USP13: variants seen among roughly 807,000 people sequenced by gnomAD.
USP13 encodes ubiquitin specific peptidase 13, also known as ubiquitin carboxyl-terminal hydrolase 13.
A neutral mutation model predicts 107.8 loss-of-function variants in USP13; 68 were observed. The observed-to-expected ratio is 0.63, with a 90% CI of 0.52 to 0.77. USP13 has a LOEUF of 0.77. Ranked by LOEUF, USP13 falls within the 30% of genes least tolerant of loss-of-function variation. The pLI is 0.00. For missense variants in USP13, 945 were observed against 1,093.3 expected (o/e 0.86, Z 1.91); for synonymous variants, 377 against 389.5 (o/e 0.97, Z 0.38).
chr3:179,686,421 A>C (rs914274672), intron 2 of USP13, among the ~76,000 whole-genome samples: 28 of 152,300 alleles, frequency 1.8e-4, no homozygotes, highest in African/African-American at 6.7e-4. Flanking sequence ...GTCTTGACAA[A>C]AAATAAAATA....
intron 4 of USP13, among the ~76,000 whole-genome samples, chr3:179,702,048 C>T (rs1435551957): frequency 6.6e-6 from 1 of 151,996 alleles, no homozygotes; most frequent in African/African-American, 2.4e-5. Context: ...GAGACGGAGT[C>T]TCGCTCTGTT....
intron 1 of USP13, among the ~76,000 whole-genome samples, chr3:179,679,859 G>T (rs1236719198): frequency 6.9e-6 from 1 of 144,118 alleles, no homozygotes; most frequent in African/African-American, 2.6e-5. Flanking sequence ...GCAACTTGCA[G>T]TGGTTAGCAT....
At chr3:179,666,415 T>C (rs1560041186) in intron 1 of USP13, among the ~76,000 whole-genome samples, 1 of 152,242 alleles carries the variant, frequency 6.6e-6, no homozygotes, top group Non-Finnish European at 1.5e-5. Flanking sequence ...ATTCTCTTTC[T>C]AGGTCCCCAG....
At chr3:179,668,711 T>G (rs1343546500) in intron 1 of USP13, among the ~76,000 whole-genome samples, 4 of 152,172 alleles carry the variant, frequency 2.6e-5, no homozygotes, top group African/African-American at 9.7e-5. Context: ...CATGAGCCAC[T>G]GCGCCCAGTC....
chr3:179,774,454 G>A (rs904662028), intron 19 of USP13, among the ~76,000 whole-genome samples: 1 of 152,136 alleles, frequency 6.6e-6, no homozygotes, highest in African/African-American at 2.4e-5. Context: ...TGGTCTCGCT[G>A]GCTTCAGGAG....
rs568118258 is a variant in USP13, at chr3:179,759,228, G to A, written c.1949-1884G>A. 2.0e-5 allele frequency among the ~76,000 whole-genome samples: 3 copies of A among 152,140 alleles called. No homozygotes were observed. In the South Asian group the frequency reaches 6.2e-4, roughly 32 times the overall value. On this transcript the variant is annotated intron_variant, in intron 16 of 20. Coordinates refer to ENST00000263966, the MANE Select transcript of USP13 (RefSeq NM_003940.3). ...GAACTCCTGACCTCGTCATCTGCCC[G>A]CCTTGGCCTCCCAAAGTGCTGGGAT...
rs766061134 is a variant in USP13 at position 179,653,250 on chromosome 3, G to A, written c.25G>A (p.Gly9Ser). MQRRGALF[G>S]MPGGSGGRKM... is the part of the protein sequence containing the mutation. ...CATGCAGCGCCGGGGCGCCCTGTTC[G>A]GCATGCCGGGCGGCAGCGGAGGCAG... Residue 9 changes from glycine to serine, a missense_variant, in exon 1 of 21, where the codon GGC becomes AGC. Physicochemically the swap from Gly to Ser is moderately conservative, Grantham distance 56 (BLOSUM62 0). Coordinates refer to ENST00000263966, the MANE Select transcript of USP13 (RefSeq NM_003940.3). This position sits in a 1 kb window ranked among gnomAD's most constrained non-coding sequence, Gnocchi z 4.0. The A allele has an allele frequency of 1.5e-5, 24 of 1,555,368 alleles. No individual in the cohort carries two copies. Among genetic ancestry groups the A allele is most frequent in the South Asian group, 4.7e-5 (4 of 84,422 alleles).
intron 3 of USP13, among the ~76,000 whole-genome samples, chr3:179,692,181 G>C (rs1712138973): frequency 6.6e-6 from 1 of 152,212 alleles, no homozygotes; most frequent in South Asian, 2.1e-4. Flanking sequence ...GTTAATAGTA[G>C]CTCTTTCCCG....
intron 6 of USP13, among the ~76,000 whole-genome samples, chr3:179,713,021 T>C (rs1460958750): frequency 6.6e-6 from 1 of 152,230 alleles, no homozygotes; most frequent in Non-Finnish European, 1.5e-5. Context: ...TTTTTAAAAA[T>C]TGTTTTTTAA....
In USP13 at chr3:179,721,906, T is replaced by C. The variant is rs972714376; in HGVS notation, c.1088+317T>C. On this transcript the variant is annotated intron_variant, in intron 8 of 20. Transcript: ENST00000263966. This position sits in a 1 kb window ranked among gnomAD's most constrained non-coding sequence, Gnocchi z 4.3. ...CCAACATGACGAAACCCGTCTCTAC[T>C]AAAAATACAAAAATTAGCCAGGGGT... Among the ~76,000 whole-genome samples the C allele has an allele frequency of 6.6e-6, 1 of 151,900 alleles. No homozygotes were observed. The highest frequency in any genetic ancestry group is 6.6e-5 in the Admixed American group (1 of 15,242).
chr3:179,719,281 A>T (rs983461509), intron 6 of USP13, among the ~76,000 whole-genome samples: 1 of 152,082 alleles, frequency 6.6e-6, no homozygotes, highest in Non-Finnish European at 1.5e-5. Context: ...AATACCAAAC[A>T]TATGGTCATT....
In USP13 at chr3:179,743,846, G is replaced by T. The variant is rs147564306; in HGVS notation, c.1535-1197G>T. Among the ~76,000 whole-genome samples, 632 of 150,958 alleles carry T rather than the reference G, an allele frequency of 4.2e-3. 7 individuals are homozygous for T. Among genetic ancestry groups the T allele is most frequent in the African/African-American group, 0.014 (595 of 41,172 alleles). On this transcript the variant is annotated intron_variant, in intron 12 of 20. Transcript: ENST00000263966. ...CATCATAAACTGATTGGGGACAGGG[G>T]AATGAATTTTAAACCATCTAAGATG...
chr3:179,682,149 A>G (rs968650318), intron 2 of USP13, 146 bp downstream of exon 2: 2 of 1,029,438 alleles, frequency 1.9e-6, no homozygotes, highest in African/African-American at 3.2e-5. Flanking sequence ...CTGCTTGCAA[A>G]ATCCAGAGAG....
chr3:179,765,978 T>A lies in USP13; in HGVS notation c.2413+130T>A, dbSNP rs1715161930. On this transcript the variant is annotated intron_variant, in intron 19 of 20. Transcript: ENST00000263966. ...GTTAGCACAGATCCCATCTTCTTCG[T>A]TTTTTTTTTTTTTCTTTTTTGAGAC... 1.3e-5 allele frequency: 6 copies of A among 445,698 alleles called. No homozygotes were observed. In the East Asian group the frequency reaches 3.7e-4, roughly 27 times the overall value. 27.6% of individuals were successfully genotyped at this position (445,698 alleles called of 1,614,324 possible).
chr3:179,714,456 CT>C (rs1237255368), intron 6 of USP13, among the ~76,000 whole-genome samples: 1 of 152,192 alleles, frequency 6.6e-6, no homozygotes, highest in Non-Finnish European at 1.5e-5. Context: ...TGTCATGGTA[CT>C]TTCCACAAGA....
intron 6 of USP13, among the ~76,000 whole-genome samples, chr3:179,718,262 T>C (rs1036579222): frequency 6.7e-6 from 1 of 149,580 alleles, no homozygotes; most frequent in Non-Finnish European, 1.5e-5. Context: ...ATACATTTTT[T>C]TCTTTTTTTT....
In USP13 at chr3:179,784,162, C is replaced by T. The variant is rs546850598; in HGVS notation, c.*21C>T. The T allele has an allele frequency of 1.6e-5, 24 of 1,541,658 alleles. No homozygotes were observed. Among genetic ancestry groups the T allele is most frequent in the African/African-American group, 7.1e-5 (5 of 70,912 alleles). ...GCTAAACCTCAAATATAAAAATTGG[C>T]GAAAAGAAGCCATACGCCTTTTTAA... On this transcript the variant is annotated 3_prime_UTR_variant, in exon 21 of 21. Coordinates refer to ENST00000263966, the MANE Select transcript of USP13 (RefSeq NM_003940.3).
At chr3:179,758,482 T>C (rs1166039343) in intron 16 of USP13, among the ~76,000 whole-genome samples, 1 of 152,202 alleles carries the variant, frequency 6.6e-6, no homozygotes, top group African/African-American at 2.4e-5. Flanking sequence ...GAACTGACAT[T>C]TGCATCCTAC....
intron 19 of USP13, among the ~76,000 whole-genome samples, chr3:179,767,847 A>T (rs1033441444): frequency 3.5e-4 from 54 of 152,220 alleles, no homozygotes; most frequent in African/African-American, 1.3e-3. Context: ...TGTTCTTTCC[A>T]GACCTAACAT....
Sources: allele counts gnomAD v4.1 joint callset (sites outside exome capture counted in the v4.1 genomes callset), GRCh38; gene constraint gnomAD v4.1.1; non-coding constraint Gnocchi (gnomAD v3.1); transcripts MANE v1.5; gene names NCBI Gene and HGNC (gene_info 2026-07-23, HGNC 2026-07-21).